Variants in WDFY4 observed in about 807,000 individuals in gnomAD.
WDFY4 encodes WD repeat- and FYVE domain-containing protein 4.
WDFY4 carries 169 observed loss-of-function variants against 351.9 expected under a neutral mutation model. The ratio of observed to expected loss-of-function variants is 0.48; its 90% confidence interval spans 0.42 to 0.55. WDFY4 has a LOEUF of 0.55. Among genes scored for constraint, WDFY4 ranks in the 20% least tolerant of loss-of-function variants. The pLI is 0.00. For missense variants in WDFY4, 3,803 were observed against 3,935.6 expected (o/e 0.97, Z 0.90); for synonymous variants, 1,622 against 1,574.6 (o/e 1.03, Z -0.71).
intron 47 of WDFY4, among the ~76,000 whole-genome samples, chr10:48,916,628 G>A (rs762196135): frequency 7.9e-5 from 12 of 152,302 alleles, no homozygotes; most frequent in Admixed American, 2.6e-4. Context: ...CCAAAAAGTC[G>A]GGGGAGAAGA....
intron 18 of WDFY4, 144 bp downstream of exon 18, chr10:48,778,976 A>G: frequency 1.2e-6 from 1 of 851,136 alleles, no homozygotes; most frequent in East Asian, 2.7e-5. Context: ...TGGGTTCCAT[A>G]CCTGGTGAAA....
intron 31 of WDFY4, among the ~76,000 whole-genome samples, chr10:48,815,817 C>A (rs1398719585): frequency 2.0e-5 from 3 of 151,726 alleles, no homozygotes; most frequent in African/African-American, 7.3e-5. Flanking sequence ...CTCATTTAGT[C>A]ACTCTGTCCT....
chr10:48,888,354 C>A (rs1218193376), intron 43 of WDFY4, among the ~76,000 whole-genome samples: 1 of 140,420 alleles, frequency 7.1e-6, no homozygotes, highest in African/African-American at 2.6e-5. Context: ...TCTTTTTCTT[C>A]TTTTTGCTTT....
intron 1 of WDFY4, among the ~76,000 whole-genome samples, chr10:48,690,810 C>T (rs1266724059): frequency 6.6e-6 from 1 of 152,168 alleles, no homozygotes; most frequent in Non-Finnish European, 1.5e-5. Context: ...TTTTTATGGA[C>T]CTCAGAGGGG....
chr10:48,934,905 C>T lies in WDFY4; in HGVS notation c.7587-6901C>T, dbSNP rs3810957. 6.1e-4 allele frequency among the ~76,000 whole-genome samples: 93 copies of T among 152,338 alleles called. No individual in the cohort carries two copies. In the East Asian group the frequency reaches 0.014, roughly 23 times the overall value. On this transcript the variant is annotated intron_variant, in intron 47 of 61. Transcript: ENST00000325239. ...ACCAATGACTTGCACACCTGCCTTC[C>T]CAGGCTCGCCTGTGCCCTGGCCCCC...
chr10:48,969,064 A>G lies in WDFY4; in HGVS notation c.8585A>G (p.Asp2862Gly), dbSNP rs1477547909. 1.9e-6 allele frequency: 3 copies of G among 1,551,534 alleles called. No individual in the cohort carries two copies. Among genetic ancestry groups the G allele is most frequent in the Middle Eastern group, 1.7e-4 (1 of 5,980 alleles). Residue 2862 changes from aspartate to glycine, a missense_variant and splice_region_variant, in exon 56 of 62, where the codon GAT (aspartate) becomes GGT (glycine). This residue lies in a region of WDFY4 where 3,054 missense variants were observed against 3,148.6 expected (regional missense o/e 0.97). Transcript: ENST00000325239. The part of the protein sequence containing the change: ...SLRPSQVTVK[D>G]MYLFSLGSES... ...GTTCGCCATACTAACTGGGGTGTAG[A>G]TATGTACCTCTTTTCTCTAGGCTCA...
rs1287412817 is a variant in WDFY4, at chr10:48,731,258, C to T, written c.1278C>T (p.Thr426=). The T allele has an allele frequency of 1.9e-6, 3 of 1,551,844 alleles. No individual in the cohort carries two copies. The African/African-American group carries it at 4.1e-5, about 21-fold the overall frequency. ...NARNFFLLEW[T]LQPISQFVEI... ...GAAACTTCTTCCTGCTGGAGTGGAC[C>T]CTGCAGCCCATCTCGCAGTTTGTAG... is the stretch of plus-strand genomic sequence containing the variant. The change falls in exon 9 of 62, where the codon ACC becomes ACT. Residue 426 remains threonine, a synonymous_variant. Transcript: ENST00000325239.
At chr10:48,918,772 TG>T (rs1564485785) in intron 47 of WDFY4, among the ~76,000 whole-genome samples, 1 of 152,268 alleles carries the variant, frequency 6.6e-6, no homozygotes, top group Non-Finnish European at 1.5e-5. Context: ...TGACAGGGCT[TG>T]GGGGAAGACC....
intron 57 of WDFY4, 82 bp from the exon 58 acceptor site, chr10:48,974,780 C>T: frequency 7.2e-7 from 1 of 1,382,828 alleles, no homozygotes; most frequent in Non-Finnish European, 9.6e-7. Flanking sequence ...ATCCAGCACC[C>T]AGCTTTATAG....
chr10:48,923,999 T>C lies in WDFY4; in HGVS notation c.7587-17807T>C, dbSNP rs1386890341. Among the ~76,000 whole-genome samples the C allele has an allele frequency of 2.6e-5, 4 of 152,288 alleles. No individual in the cohort carries two copies. In the East Asian group the frequency reaches 7.7e-4, roughly 29 times the overall value. On this transcript the variant is annotated intron_variant, in intron 47 of 61. Coordinates refer to ENST00000325239, the MANE Select transcript of WDFY4 (RefSeq NM_001394531.1). ...CCCTCCCAGCTCTGATGAATGGTGA[T>C]GAGGAAGCAGCACGGAGCTGGCTAC...
chr10:48,906,240 C>T (rs1354275595), intron 47 of WDFY4, among the ~76,000 whole-genome samples: 2 of 152,210 alleles, frequency 1.3e-5, no homozygotes, highest in Non-Finnish European at 2.9e-5. Flanking sequence ...TACAGATTTT[C>T]ATGCCCTAAA....
At chr10:48,710,008 C>A in intron 2 of WDFY4, 42 bp downstream of exon 2, 3 of 1,494,972 alleles carry the variant, frequency 2.0e-6, no homozygotes, top group South Asian at 1.3e-5. Context: ...GATAGGCGCT[C>A]TGGGACACTT....
At chr10:48,930,250 T>C (rs188229398) in intron 47 of WDFY4, among the ~76,000 whole-genome samples, 7 of 152,366 alleles carry the variant, frequency 4.6e-5, no homozygotes, top group Non-Finnish European at 1.0e-4. Flanking sequence ...TCACTGTTTT[T>C]ACATGTACTG....
intron 35 of WDFY4, chr10:48,824,304 C>A: frequency 2.0e-6 from 1 of 499,034 alleles, no homozygotes. Flanking sequence ...GTTTTTATGA[C>A]AAACAGGCAA....
chr10:48,812,636 C>T (rs1396847387), intron 30 of WDFY4, among the ~76,000 whole-genome samples: 1 of 152,210 alleles, frequency 6.6e-6, no homozygotes, highest in Non-Finnish European at 1.5e-5. Flanking sequence ...TGATCACTTT[C>T]CTATCCTTCC....
chr10:48,867,948 A>G (rs2069612470), intron 40 of WDFY4, among the ~76,000 whole-genome samples: 1 of 152,200 alleles, frequency 6.6e-6, no homozygotes, highest in African/African-American at 2.4e-5. Flanking sequence ...CTGTGTCTTG[A>G]AGGTGTTTGA....
At chr10:48,956,884 A>G (rs944743331) in intron 51 of WDFY4, among the ~76,000 whole-genome samples, 2 of 152,146 alleles carry the variant, frequency 1.3e-5, no homozygotes, top group African/African-American at 4.8e-5. Context: ...GGAAACATGG[A>G]TTGATTAACA....
intron 2 of WDFY4, among the ~76,000 whole-genome samples, chr10:48,710,819 A>G (rs2063750700): frequency 6.6e-6 from 1 of 152,174 alleles, no homozygotes; most frequent in South Asian, 2.1e-4. Context: ...CTGGGTCTGC[A>G]CTCTAGCTAG....
chr10:48,842,557 G>A (rs2068644538), intron 39 of WDFY4, among the ~76,000 whole-genome samples: 1 of 152,176 alleles, frequency 6.6e-6, no homozygotes, highest in African/African-American at 2.4e-5. Flanking sequence ...GACAATGGCT[G>A]GGCTAGCAGA....
Sources: allele counts gnomAD v4.1 joint callset (sites outside exome capture counted in the v4.1 genomes callset), GRCh38; gene constraint gnomAD v4.1.1; regional missense constraint gnomAD v4.1.1; transcripts MANE v1.5; gene names NCBI Gene and HGNC (gene_info 2026-07-23, HGNC 2026-07-21).